The following OCIAD1 variants were observed in gnomAD, a reference collection of about 807,000 sequenced individuals.
OCIAD1 encodes the protein OCIA domain-containing protein 1.
Under a neutral mutation model 38.9 loss-of-function variants are expected in OCIAD1, and 29 were observed. The ratio of observed to expected loss-of-function variants is 0.74; its 90% CI spans 0.55 to 1.02. The LOEUF is 1.02. Among genes scored for constraint, OCIAD1 ranks in the 50% least tolerant of loss-of-function variants. The pLI, the probability that OCIAD1 is intolerant of heterozygous loss-of-function variation, is 0.00. For synonymous variants in OCIAD1, 110 were observed against 92.0 expected, an observed-to-expected ratio of 1.20 and a Z score of -1.12; for missense variants, 288 against 289.6, an observed-to-expected ratio of 0.99 and a Z score of 0.04.
At chr4:48,832,248 C>T (rs1439315013) in intron 1 of OCIAD1, among the ~76,000 whole-genome samples, 1 of 152,000 alleles carries the variant, frequency 6.6e-6, no homozygotes, top group Non-Finnish European at 1.5e-5. Flanking sequence ...GGGAATTATC[C>T]TAATCATTGG....
intron 1 of OCIAD1, among the ~76,000 whole-genome samples, chr4:48,823,764 G>A (rs1381866210): frequency 6.8e-6 from 1 of 146,834 alleles, no homozygotes; most frequent in Admixed American, 6.8e-5. Flanking sequence ...CTGGGCATAA[G>A]TGATCCTCTT....
chr4:48,810,597 A>G (rs1282177873), intron 1 of OCIAD1, among the ~76,000 whole-genome samples: 2 of 152,008 alleles, frequency 1.3e-5, no homozygotes, highest in Admixed American at 6.6e-5. Context: ...AATGACTACA[A>G]TTTATTTATT....
In OCIAD1 at chr4:48,846,523, C is replaced by T. The variant is rs554274663; in HGVS notation, c.194-1876C>T. On this transcript the variant is annotated intron_variant, in intron 4 of 8. Transcript: ENST00000264312. Reference sequence around the variant, plus strand: ...CAGCACTTTGGGAGGCTGAGGCAGGCGGATCATGAGGTCAGGTGATTGAGA... The same window carrying T: ...CAGCACTTTGGGAGGCTGAGGCAGGTGGATCATGAGGTCAGGTGATTGAGA... Among the ~76,000 whole-genome samples, 7 of 151,984 alleles carry T rather than the reference C, an allele frequency of 4.6e-5. No homozygotes were observed. The East Asian group carries it at 7.7e-4, about 17-fold the overall frequency.
At chr4:48,847,150 A>G (rs1779044439) in intron 4 of OCIAD1, among the ~76,000 whole-genome samples, 1 of 152,212 alleles carries the variant, frequency 6.6e-6, no homozygotes, top group Admixed American at 6.5e-5. Context: ...AATAAACACT[A>G]ATATTGATTG....
At chr4:48,812,749 T>A (rs1420985368) in intron 1 of OCIAD1, among the ~76,000 whole-genome samples, 1 of 152,186 alleles carries the variant, frequency 6.6e-6, no homozygotes, top group Non-Finnish European at 1.5e-5. Flanking sequence ...GATAATTCTT[T>A]CAAGGAGTTT....
At chr4:48,836,680 A>G (rs1221604616) in intron 3 of OCIAD1, among the ~76,000 whole-genome samples, 1 of 152,222 alleles carries the variant, frequency 6.6e-6, no homozygotes, top group Admixed American at 6.5e-5. Context: ...GTGATAGTGA[A>G]AGAATCAACA....
chr4:48,825,076 CTG>C (rs1777235709), intron 1 of OCIAD1, among the ~76,000 whole-genome samples: 1 of 152,156 alleles, frequency 6.6e-6, no homozygotes, highest in South Asian at 2.1e-4. Context: ...AATGAAGGAA[CTG>C]TAATTTGCAT....
chr4:48,810,306 A>G (rs1483943906), intron 1 of OCIAD1, among the ~76,000 whole-genome samples: 3 of 151,786 alleles, frequency 2.0e-5, no homozygotes, highest in African/African-American at 7.3e-5. Flanking sequence ...CGTCTCTACT[A>G]AAAACACAAA....
intron 7 of OCIAD1, among the ~76,000 whole-genome samples, chr4:48,852,729 GC>G (rs1218143952): frequency 6.6e-6 from 1 of 152,052 alleles, no homozygotes; most frequent in African/African-American, 2.4e-5. Context: ...GCAATGTCTG[GC>G]AAATAATAGA....
At chr4:48,817,595 A>C (rs1302317088) in intron 1 of OCIAD1, among the ~76,000 whole-genome samples, 2 of 152,152 alleles carry the variant, frequency 1.3e-5, no homozygotes, top group African/African-American at 4.8e-5. Context: ...ACTCCCCTGG[A>C]AAGGGGGCTG....
At chr4:48,856,388 C>CT in intron 7 of OCIAD1, 1 of 152,200 alleles carries the variant, frequency 6.6e-6, no homozygotes, top group Non-Finnish European at 1.5e-5. Context: ...TTATTTTCAA[C>CT]TTTTTTTCCT....
At chr4:48,806,540 T>A (rs552319597) in intron 1 of OCIAD1, among the ~76,000 whole-genome samples, 1 of 152,358 alleles carries the variant, frequency 6.6e-6, no homozygotes, top group East Asian at 1.9e-4. Flanking sequence ...CAGAATAAGA[T>A]TGATTTGGCT....
chr4:48,849,921 A>G, intron 5 of OCIAD1, 26 bp from the exon 6 acceptor site: 11 of 1,583,124 alleles, frequency 6.9e-6, no homozygotes, highest in Non-Finnish European at 9.4e-6. Flanking sequence ...ATTCAGTTAC[A>G]CTTTTTGTTT....
intron 1 of OCIAD1, among the ~76,000 whole-genome samples, chr4:48,812,435 C>T (rs1223808317): frequency 1.3e-5 from 2 of 149,822 alleles, no homozygotes; most frequent in Non-Finnish European, 3.0e-5. Flanking sequence ...CAAAGTGCAC[C>T]CCAAAATTTG....
chr4:48,857,198 T>C lies in OCIAD1; in HGVS notation c.548-15T>C. ...AATCCTTTTATTACCATTTATTAAC[T>C]GTTTGTTGTTTTAGGACCTGATCCC... On this transcript the variant is annotated splice_polypyrimidine_tract_variant and intron_variant, in intron 7 of 8. Transcript: ENST00000264312. 3.3e-6 allele frequency: 5 copies of C among 1,498,150 alleles called. No individual in the cohort carries two copies. The highest frequency in any genetic ancestry group is 4.5e-6 in the Non-Finnish European group (5 of 1,120,726). 92.8% of individuals were successfully genotyped at this position (1,498,150 alleles called of 1,614,324 possible). A position where few individuals can be genotyped will look rare whatever the true frequency, so the allele number is the denominator to read the frequency against.
chr4:48,842,517 A>C lies in OCIAD1; in HGVS notation c.140-119A>C, dbSNP rs750339736. 2.7e-5 allele frequency: 18 copies of C among 665,166 alleles called. No individual in the cohort carries two copies. The East Asian group carries it at 5.1e-4, about 19-fold the overall frequency. 41.2% of individuals were successfully genotyped at this position (665,166 alleles called of 1,614,324 possible). A position where few individuals can be genotyped will look rare whatever the true frequency, so the allele number is the denominator to read the frequency against. ...TTTAAAAATGGAACAGTCTTTTTTA[A>C]AGGTCTTAGTTATGCAATATAATTC... On this transcript the variant is annotated intron_variant, in intron 3 of 8. Coordinates refer to ENST00000264312, the MANE Select transcript of OCIAD1 (RefSeq NM_017830.4).
At chr4:48,839,004 G>A (rs1017692566) in intron 3 of OCIAD1, among the ~76,000 whole-genome samples, 1 of 152,152 alleles carries the variant, frequency 6.6e-6, no homozygotes, top group African/African-American at 2.4e-5. Context: ...TCAGTTTATT[G>A]CATATTCATG....
At chr4:48,826,068 C>T (rs960495749), upstream of OCIAD1, among the ~76,000 whole-genome samples, 6 of 152,180 alleles carry the variant, frequency 3.9e-5, no homozygotes, top group Admixed American at 3.9e-4. Flanking sequence ...GAACTCCTGA[C>T]ATCAAGTGAT....
intron 1 of OCIAD1, among the ~76,000 whole-genome samples, chr4:48,807,326 A>C (rs1277698616): frequency 2.0e-5 from 3 of 148,740 alleles, no homozygotes; most frequent in Admixed American, 1.3e-4. Context: ...CTCAAAAAGA[A>C]AAAAAAAAAA....
Sources: allele counts gnomAD v4.1 joint callset (sites outside exome capture counted in the v4.1 genomes callset), GRCh38; gene constraint gnomAD v4.1.1; transcripts MANE v1.5; gene names NCBI Gene and HGNC (gene_info 2026-07-23, HGNC 2026-07-21).